WWOX: variants seen among roughly 807,000 people sequenced by gnomAD.
WWOX encodes WW domain containing oxidoreductase.
In WWOX, 69 loss-of-function variants were observed where a neutral mutation model predicts 46.2. That is an observed-to-expected ratio of 1.49 (90% CI 1.23 to 1.82). WWOX has a LOEUF of 1.82. Among genes scored for constraint, WWOX ranks in the 40% most tolerant of loss-of-function variants. WWOX has a pLI of 0.00. For synonymous variants in WWOX, 359 were observed against 202.6 expected (o/e 1.77, Z -6.56); for missense variants, 919 against 542.6 (o/e 1.69, Z -6.89).
chr16:78,526,292 G>C (rs948831441), intron 8 of WWOX: 1 of 152,360 alleles, frequency 6.6e-6, no homozygotes, highest in African/African-American at 2.4e-5. Context: ...CCTTGGAGGC[G>C]CTGCTGGTCC....
chr16:79,124,224 G>T (rs956636214), intron 8 of WWOX, among the ~76,000 whole-genome samples: 3 of 152,036 alleles, frequency 2.0e-5, no homozygotes, highest in African/African-American at 7.2e-5. Context: ...TAATTAGAGC[G>T]TGCCCCCTGC....
chr16:78,979,208 T>C (rs1035264534), intron 8 of WWOX, among the ~76,000 whole-genome samples: 1 of 152,042 alleles, frequency 6.6e-6, no homozygotes, highest in Non-Finnish European at 1.5e-5. Context: ...AGAATTCACA[T>C]TATTAGAGAA....
intron 5 of WWOX, among the ~76,000 whole-genome samples, chr16:78,176,283 C>T (rs1405485386): frequency 1.3e-5 from 2 of 152,162 alleles, no homozygotes; most frequent in African/African-American, 4.8e-5. Context: ...GTGAGACTGG[C>T]CCCACTCATT....
intron 7 of WWOX, among the ~76,000 whole-genome samples, chr16:78,430,601 T>C (rs181212692): frequency 1.3e-5 from 2 of 152,244 alleles, no homozygotes; most frequent in East Asian, 3.9e-4. Flanking sequence ...GGCCGTCATA[T>C]ATTTTCAAAT....
chr16:78,573,462 C>A (rs929638983), intron 8 of WWOX, among the ~76,000 whole-genome samples: 3 of 152,180 alleles, frequency 2.0e-5, no homozygotes, highest in Admixed American at 6.5e-5. Context: ...TTTGAATTTT[C>A]CATACTCCAT....
intron 8 of WWOX, among the ~76,000 whole-genome samples, chr16:78,663,898 G>C (rs569474012): frequency 7.6e-4 from 115 of 152,294 alleles, no homozygotes; most frequent in African/African-American, 2.7e-3. Flanking sequence ...TGGTGAATGG[G>C]TTTGGAGCCA....
chr16:78,324,743 A>G (rs1299515754), intron 5 of WWOX, among the ~76,000 whole-genome samples: 2 of 132,792 alleles, frequency 1.5e-5, no homozygotes, highest in Middle Eastern at 3.6e-3. Context: ...AGAGAAATTT[A>G]GAGATAGAAA....
At chr16:78,883,625 G>A (rs1416869749) in intron 8 of WWOX, among the ~76,000 whole-genome samples, 1 of 151,890 alleles carries the variant, frequency 6.6e-6, no homozygotes, top group Non-Finnish European at 1.5e-5. Flanking sequence ...TCAGGAGGCT[G>A]AAGCAGGAGA....
At chr16:79,149,644 T>G (rs905521320) in intron 8 of WWOX, among the ~76,000 whole-genome samples, 6 of 152,194 alleles carry the variant, frequency 3.9e-5, no homozygotes, top group African/African-American at 1.4e-4. Flanking sequence ...AGCATTTAGT[T>G]TCATGTCTCA....
At chr16:78,462,950 C>T (rs981757008) in intron 8 of WWOX, among the ~76,000 whole-genome samples, 2 of 152,210 alleles carry the variant, frequency 1.3e-5, no homozygotes, top group African/African-American at 2.4e-5. Flanking sequence ...TTCCCACCAC[C>T]GTGGGAGGAC....
At chr16:78,441,029 G>T (rs563424065) in intron 8 of WWOX, among the ~76,000 whole-genome samples, 10 of 152,132 alleles carry the variant, frequency 6.6e-5, no homozygotes, top group Admixed American at 5.9e-4. Context: ...TGCAGCCTCC[G>T]CCTCCCAGGT....
Position 79,037,604 on chromosome 16 carries a change from C to A in WWOX, c.1057-174004C>A, listed in dbSNP as rs537261510. Reference sequence around the variant, plus strand: ...TCTACAACTGCACCCTGCTACCTCCCAGAAGCTGAGGCAGGATGGGCAGGT... The same window carrying A: ...TCTACAACTGCACCCTGCTACCTCCAAGAAGCTGAGGCAGGATGGGCAGGT... On this transcript the variant is annotated intron_variant, in intron 8 of 8. Transcript: ENST00000566780. Among the ~76,000 whole-genome samples, 3 of 152,276 alleles carry A rather than the reference C, an allele frequency of 2.0e-5. No individual in the cohort carries two copies. In the South Asian group the frequency reaches 6.2e-4, roughly 32 times the overall value.
intron 8 of WWOX, among the ~76,000 whole-genome samples, chr16:79,171,251 A>T (rs1365662258): frequency 6.6e-6 from 1 of 152,196 alleles, no homozygotes; most frequent in Non-Finnish European, 1.5e-5. Context: ...TCAGAGGAGG[A>T]ATTAACTCTA....
At chr16:78,570,843 C>CG (rs1251257680) in intron 8 of WWOX, among the ~76,000 whole-genome samples, 1 of 152,030 alleles carries the variant, frequency 6.6e-6, no homozygotes, top group South Asian at 2.1e-4. Context: ...AGAAGGCGGG[C>CG]GGGGCAAGCT....
At chr16:78,633,089 C>A (rs1458249765) in intron 8 of WWOX, among the ~76,000 whole-genome samples, 1 of 151,946 alleles carries the variant, frequency 6.6e-6, no homozygotes, top group African/African-American at 2.4e-5. Context: ...ATGGTGAAAC[C>A]CTGTCTCTAC....
intron 8 of WWOX, among the ~76,000 whole-genome samples, chr16:78,544,097 G>C (rs1333911257): frequency 6.6e-6 from 1 of 152,140 alleles, no homozygotes; most frequent in Non-Finnish European, 1.5e-5. Context: ...TTGACTTTCA[G>C]GATATTTGTG....
At chr16:78,727,293 G>A (rs558687148) in intron 8 of WWOX, among the ~76,000 whole-genome samples, 2 of 152,298 alleles carry the variant, frequency 1.3e-5, no homozygotes, top group African/African-American at 4.8e-5. Flanking sequence ...CAGCTGCTAG[G>A]GAGGCTGAGG....
chr16:78,455,444 C>T (rs1479132331), intron 8 of WWOX, among the ~76,000 whole-genome samples: 2 of 151,822 alleles, frequency 1.3e-5, no homozygotes, highest in East Asian at 3.9e-4. Context: ...AGTTTGAGAC[C>T]AGCCTGGCCA....
intron 8 of WWOX, among the ~76,000 whole-genome samples, chr16:78,988,664 T>C (rs1297851392): frequency 1.3e-5 from 2 of 152,218 alleles, no homozygotes; most frequent in Non-Finnish European, 1.5e-5. Context: ...TGGTCAACTT[T>C]TTCAGGCACG....
Sources: allele counts gnomAD v4.1 joint callset (sites outside exome capture counted in the v4.1 genomes callset), GRCh38; gene constraint gnomAD v4.1.1; transcripts MANE v1.5; gene names NCBI Gene and HGNC (gene_info 2026-07-23, HGNC 2026-07-21).